Variants in ERGIC1 observed in about 807,000 individuals in gnomAD.
ERGIC1 encodes endoplasmic reticulum-golgi intermediate compartment 1.
A neutral mutation model predicts 38.3 loss-of-function variants in ERGIC1; 19 were observed. The observed-to-expected ratio is 0.50, with a 90% confidence interval of 0.35 to 0.73. The LOEUF (loss-of-function observed/expected upper bound fraction) is 0.73, where lower values mean the gene tolerates loss of function less well. Among genes scored for constraint, ERGIC1 ranks in the 30% least tolerant of loss-of-function variants. The probability of loss-of-function intolerance (pLI) is 0.01; values close to 1 mark genes in which losing one functional copy is unlikely to be tolerated. For missense variants in ERGIC1, 294 were observed against 389.2 expected, an observed-to-expected ratio of 0.76 and a Z score of 2.06; for synonymous variants, 124 against 157.6, an observed-to-expected ratio of 0.79 and a Z score of 1.60.
chr5:172,915,340 T>G, intron 5 of ERGIC1: 1 of 475,588 alleles, frequency 2.1e-6, no homozygotes, highest in Non-Finnish European at 4.0e-6. Flanking sequence ...GGGGCAGCGT[T>G]CCTGGGCTGG....
At chr5:172,872,105 T>C (rs1207356674) in intron 1 of ERGIC1, among the ~76,000 whole-genome samples, 1 of 152,120 alleles carries the variant, frequency 6.6e-6, no homozygotes, top group East Asian at 1.9e-4. Flanking sequence ...TGTGTTCAGA[T>C]GGGCGAGGAC....
intron 9 of ERGIC1, among the ~76,000 whole-genome samples, chr5:172,949,568 C>G (rs1764189232): frequency 6.6e-6 from 1 of 151,904 alleles, no homozygotes; most frequent in Admixed American, 6.6e-5. Context: ...CATTATCCTC[C>G]TGCTACCGCC....
chr5:172,854,271 A>T (rs1054705039), intron 1 of ERGIC1, among the ~76,000 whole-genome samples: 6 of 151,706 alleles, frequency 4.0e-5, no homozygotes, highest in African/African-American at 1.5e-4. Flanking sequence ...GGTCTCAGCT[A>T]CTCAGGAGGC....
intron 2 of ERGIC1, among the ~76,000 whole-genome samples, chr5:172,896,560 G>C (rs532446243): frequency 6.6e-6 from 1 of 152,152 alleles, no homozygotes; most frequent in South Asian, 2.1e-4. Flanking sequence ...CCGACCCTCC[G>C]TGGGAACAAG....
chr5:172,856,335 G>A (rs1159765229), intron 1 of ERGIC1, among the ~76,000 whole-genome samples: 1 of 152,262 alleles, frequency 6.6e-6, no homozygotes, highest in East Asian at 1.9e-4. Context: ...AGTCAGGCCA[G>A]AGAGGAGTCA....
chr5:172,851,983 A>G (rs1761420329), intron 1 of ERGIC1, among the ~76,000 whole-genome samples: 1 of 152,080 alleles, frequency 6.6e-6, no homozygotes, highest in South Asian at 2.1e-4. Flanking sequence ...ATGTCTTTCT[A>G]AAGGTTCCTG....
intron 1 of ERGIC1, among the ~76,000 whole-genome samples, chr5:172,853,726 C>A (rs2113050021): frequency 6.6e-6 from 1 of 152,332 alleles, no homozygotes; most frequent in African/African-American, 2.4e-5. Flanking sequence ...TTGGGCCTTA[C>A]AGTTCTGGGA....
At chr5:172,848,969 G>A (rs1377367320) in intron 1 of ERGIC1, among the ~76,000 whole-genome samples, 1 of 152,212 alleles carries the variant, frequency 6.6e-6, no homozygotes, top group East Asian at 1.9e-4. Context: ...AGGCCACCAC[G>A]TGCCAGCTCC....
intron 1 of ERGIC1, among the ~76,000 whole-genome samples, chr5:172,847,450 A>G (rs993737212): frequency 1.3e-5 from 2 of 152,176 alleles, no homozygotes; most frequent in Admixed American, 1.3e-4. Context: ...CCCTTCCACT[A>G]TTCTGCTACT....
At position 172,926,946 on chromosome 5, in the gene ERGIC1, A is replaced by C; in HGVS notation, c.541+377A>C. 4.2e-6 allele frequency: 1 copy of C among 238,328 alleles called. No homozygotes were observed. The highest frequency in any genetic ancestry group is 8.5e-6 in the Non-Finnish European group (1 of 118,296). The allele number at this position is 238,328 out of a possible 1,614,324, so 14.8% of individuals were successfully genotyped here. On this transcript the variant is annotated intron_variant, in intron 7 of 9. Coordinates refer to ENST00000393784, the MANE Select transcript of ERGIC1 (RefSeq NM_001031711.3). The surrounding 1 kb of genome is among the most constrained non-coding windows in gnomAD (Gnocchi z 5.2). ...TCTGCCTCCAGGTCGCACCGTGAGAACAGGTCTGTGGGTGGCCCAGTCAGC... is the reference window on the plus strand; with the variant it reads ...TCTGCCTCCAGGTCGCACCGTGAGACCAGGTCTGTGGGTGGCCCAGTCAGC...
chr5:172,856,224 T>C (rs1761545322), intron 1 of ERGIC1, among the ~76,000 whole-genome samples: 1 of 152,088 alleles, frequency 6.6e-6, no homozygotes, highest in Admixed American at 6.5e-5. Flanking sequence ...GCAGCCAGGC[T>C]GGAGAAGCTG....
chr5:172,930,201 A>C (rs1050306316), intron 7 of ERGIC1, among the ~76,000 whole-genome samples: 29 of 151,154 alleles, frequency 1.9e-4, no homozygotes, highest in African/African-American at 7.0e-4. Flanking sequence ...AAAAAAAAAA[A>C]AGATACGGTA....
intron 1 of ERGIC1, among the ~76,000 whole-genome samples, chr5:172,869,561 G>A (rs1394564609): frequency 2.0e-5 from 3 of 152,190 alleles, no homozygotes; most frequent in Non-Finnish European, 2.9e-5. Flanking sequence ...GCCTCAGATG[G>A]CTTTGTCAGG....
At position 172,893,886 on chromosome 5, in the gene ERGIC1, T is replaced by TATATATAC. The variant is rs1404278468; in HGVS notation, c.83-3109_83-3108insCATATATA. ...TTAGGGGGATATATATATATATATATATATATATATATATATATATGTGTG... is the reference window on the plus strand; with the variant it reads ...TTAGGGGGATATATATATATATATATATATATACATATATATATATATATATATGTGTG... On this transcript the variant is annotated intron_variant, in intron 2 of 9. Transcript: ENST00000393784. 1.5e-3 allele frequency among the ~76,000 whole-genome samples: 24 copies of TATATATAC among 15,528 alleles called. 2 individuals are homozygous for TATATATAC. The highest frequency in any genetic ancestry group is 3.3e-3 in the African/African-American group (24 of 7,344). The allele number at this position is 15,528 out of a possible 152,430, so 10.2% of individuals were successfully genotyped here.
At chr5:172,849,083 A>G (rs1381481275) in intron 1 of ERGIC1, among the ~76,000 whole-genome samples, 1 of 152,140 alleles carries the variant, frequency 6.6e-6, no homozygotes, top group Non-Finnish European at 1.5e-5. Flanking sequence ...GATTCATTGT[A>G]ATTATTCCCA....
At chr5:172,904,517 A>G (rs1370343191) in intron 3 of ERGIC1, among the ~76,000 whole-genome samples, 9 of 152,328 alleles carry the variant, frequency 5.9e-5, no homozygotes, top group African/African-American at 1.9e-4. Flanking sequence ...CACTGCCCCC[A>G]TAGGCCTTCC....
At chr5:172,906,399 A>G (rs1469735054) in intron 3 of ERGIC1, among the ~76,000 whole-genome samples, 2 of 152,070 alleles carry the variant, frequency 1.3e-5, no homozygotes, top group Non-Finnish European at 2.9e-5. Flanking sequence ...GGCTCAGGGC[A>G]TTTCACAGGC....
chr5:172,890,008 G>A lies in ERGIC1; in HGVS notation c.82+1248G>A, dbSNP rs561079744. Among the ~76,000 whole-genome samples, 55 of 152,282 alleles carry A rather than the reference G, an allele frequency of 3.6e-4. No individual in the cohort carries two copies. The South Asian group carries it at 5.4e-3, about 15-fold the overall frequency. ...GTTTAATTCCCCTCTCTTGAGTGTG[G>A]ACTTAGTAACTCTATTTCAAAGAAT... On this transcript the variant is annotated intron_variant, in intron 2 of 9. Transcript: ENST00000393784.
chr5:172,851,200 C>T (rs1180950175), intron 1 of ERGIC1, among the ~76,000 whole-genome samples: 2 of 96,668 alleles, frequency 2.1e-5, no homozygotes, highest in Admixed American at 2.3e-4. Flanking sequence ...GACTCTGTCT[C>T]AAAAAAAAAA....
Sources: allele counts gnomAD v4.1 joint callset (sites outside exome capture counted in the v4.1 genomes callset), GRCh38; gene constraint gnomAD v4.1.1; non-coding constraint Gnocchi (gnomAD v3.1); transcripts MANE v1.5; gene names NCBI Gene and HGNC (gene_info 2026-07-23, HGNC 2026-07-21).